ARHGEF40: variants seen among roughly 807,000 people sequenced by gnomAD.
ARHGEF40 encodes the protein Rho guanine nucleotide exchange factor (GEF) 40.
Under a neutral mutation model 165.9 loss-of-function variants are expected in ARHGEF40, and 98 were observed. The ratio of observed to expected loss-of-function variants is 0.59; its 90% CI spans 0.50 to 0.70. The LOEUF is 0.70. Ranked by LOEUF, ARHGEF40 falls within the 30% of genes least tolerant of loss-of-function variation. ARHGEF40 has a pLI of 0.00. For missense variants in ARHGEF40, 1,815 were observed against 1,968.0 expected, an observed-to-expected ratio of 0.92 and a Z score of 1.47; for synonymous variants, 792 against 814.3, an observed-to-expected ratio of 0.97 and a Z score of 0.47.
Position 21,080,308 on chromosome 14 carries a change from G to A in ARHGEF40, c.2374-352G>A, listed in dbSNP as rs115795257. Among the ~76,000 whole-genome samples the A allele has an allele frequency of 7.3e-3, 1,115 of 151,878 alleles. 6 individuals carry two copies. The highest frequency in any genetic ancestry group is 0.025 in the African/African-American group (1,039 of 41,394). Reference sequence around the variant, plus strand: ...GGGACCGTTTCTCACCAGTTGCCAAGGCTTGGTGAAGGCCGTCAGTCATCC... The same window carrying A: ...GGGACCGTTTCTCACCAGTTGCCAAAGCTTGGTGAAGGCCGTCAGTCATCC... On this transcript the variant is annotated intron_variant, in intron 11 of 23. Coordinates refer to ENST00000298694, the MANE Select transcript of ARHGEF40 (RefSeq NM_018071.5).
chr14:21,082,828 C>G lies in ARHGEF40; in HGVS notation c.3487-3C>G. 1 of 1,614,058 alleles carries G rather than the reference C, an allele frequency of 6.2e-7. No individual in the cohort carries two copies. The highest frequency in any genetic ancestry group is 8.5e-7 in the Non-Finnish European group (1 of 1,179,966). On this transcript the variant is annotated splice_region_variant and splice_polypyrimidine_tract_variant and intron_variant, in intron 15 of 23. Transcript: ENST00000298694. ...ACTCCTTATCTGTTCTTTACTGGCA[C>G]AGGGGGACCAGTTCAGCCTTTATGC...
rs372453763 is a variant in ARHGEF40 at position 21,075,228 on chromosome 14, C to T, written c.1450+48C>T. ...TCATGGGGCAAGGGCCAAAGCAGGT[C>T]GGGCCTATGGGAGGGGGCAGGAGGA... On this transcript the variant is annotated intron_variant, in intron 3 of 23. Coordinates refer to ENST00000298694, the MANE Select transcript of ARHGEF40 (RefSeq NM_018071.5). This position sits in a 1 kb window ranked among gnomAD's most constrained non-coding sequence, Gnocchi z 4.5. 9.5e-6 allele frequency: 15 copies of T among 1,583,774 alleles called. No homozygotes were observed. The African/African-American group carries it at 1.2e-4, about 13-fold the overall frequency.
At chr14:21,086,893 G>GAT in intron 19 of ARHGEF40, 108 bp from the exon 20 acceptor site, 1 of 854,138 alleles carries the variant, frequency 1.2e-6, no homozygotes, top group Non-Finnish European at 1.8e-6. Context: ...GAGGAATGAG[G>GAT]ATTGGGAAGG....
In ARHGEF40 at chr14:21,080,648, CA is replaced by C; in HGVS notation, c.2374-11del. The C allele has an allele frequency of 6.2e-7, 1 of 1,607,218 alleles. No individual in the cohort carries two copies. The highest frequency in any genetic ancestry group is 8.5e-7 in the Non-Finnish European group (1 of 1,177,402). On this transcript the variant is annotated splice_polypyrimidine_tract_variant and intron_variant, in intron 11 of 23. Transcript: ENST00000298694. ...TCCATGACCCCCTGCCCTCCCACCC[CA>C]TCTGCCTCAGGTGTTGCAGTGGCTC...
chr14:21,074,450 C>A lies in ARHGEF40; in HGVS notation c.720C>A (p.Gly240=). Residue 240 remains glycine, a synonymous_variant, in exon 3 of 24, where the codon GGC becomes GGA. Coordinates refer to ENST00000298694, the MANE Select transcript of ARHGEF40 (RefSeq NM_018071.5). This position sits in a 1 kb window ranked among gnomAD's most constrained non-coding sequence, Gnocchi z 4.8. ...GHNAPVEGPE[G]EYVELLEVTL... is the part of the protein sequence containing the mutation. ...ATGCCCCTGTGGAAGGACCTGAGGG[C>A]GAGTATGTGGAGCTGTTAGAGGTGA... is the stretch of plus-strand genomic sequence containing the variant. 6.3e-7 allele frequency: 1 copy of A among 1,597,538 alleles called. No individual in the cohort carries two copies. The highest frequency in any genetic ancestry group is 1.1e-5 in the South Asian group (1 of 88,952).
rs895197541 is a variant in ARHGEF40 at position 21,073,557 on chromosome 14, T to C, written c.201+315T>C. 7.2e-5 allele frequency among the ~76,000 whole-genome samples: 11 copies of C among 152,046 alleles called. No individual in the cohort carries two copies. Among genetic ancestry groups the C allele is most frequent in the African/African-American group, 2.7e-4 (11 of 41,356 alleles). On this transcript the variant is annotated intron_variant, in intron 2 of 23. Transcript: ENST00000298694. The surrounding 1 kb of genome is among the most constrained non-coding windows in gnomAD (Gnocchi z 4.6). The stretch of plus-strand genomic sequence containing the variant: ...AGACATCTTCTCCCCCTCATATGAA[T>C]TTCTCAAGACACTAACTCCCCCGTA...
chr14:21,070,281 G>T (rs1179377535), upstream of ARHGEF40: 7 of 1,120,560 alleles, frequency 6.2e-6, no homozygotes, highest in African/African-American at 1.6e-5. This position sits in a 1 kb window ranked among gnomAD's most constrained non-coding sequence, Gnocchi z 4.7. Context: ...AGCCGCCACC[G>T]CGGCCGGAGC....
At position 21,070,859 on chromosome 14, in the gene ARHGEF40, C is replaced by T. The variant is rs1030684106; in HGVS notation, c.3+460C>T. On this transcript the variant is annotated intron_variant, in intron 1 of 23. Transcript: ENST00000298694. The surrounding 1 kb of genome is among the most constrained non-coding windows in gnomAD (Gnocchi z 4.7). ...GGAACCACCATTTTCCATCCCTGTC[C>T]CCAACCCGGTGAGGCAGGCCCACCC... The T allele has an allele frequency of 1.1e-5, 17 of 1,535,650 alleles. No homozygotes were observed. The highest frequency in any genetic ancestry group is 1.5e-5 in the Non-Finnish European group (17 of 1,146,860).
At chr14:21,062,898 G>A in the ARHGEF40 span, among the ~76,000 whole-genome samples, 1 of 149,864 alleles carries the variant, frequency 6.7e-6, no homozygotes, top group Admixed American at 6.7e-5. Context: ...AGGATCAATA[G>A]AGCCCGGGTG....
chr14:21,064,692 C>T, the ARHGEF40 span, among the ~76,000 whole-genome samples: 1 of 152,192 alleles, frequency 6.6e-6, no homozygotes, highest in Non-Finnish European at 1.5e-5. Flanking sequence ...GAAAGCAGAA[C>T]ACAAAACTGT....
chr14:21,089,046 C>G lies in ARHGEF40; in HGVS notation c.*38C>G, dbSNP rs1888624822. 1 of 621,022 alleles carries G rather than the reference C, an allele frequency of 1.6e-6. No homozygotes were observed. The highest frequency in any genetic ancestry group is 3.3e-5 in the Admixed American group (1 of 30,502). 38.5% of individuals were successfully genotyped at this position (621,022 alleles called of 1,614,324 possible). Reference sequence around the variant, plus strand: ...CCAGAACTTGCGTGCAGCTTCTCCTCTCAGCACACTTTGGGCTGGGATGGC... The same window carrying G: ...CCAGAACTTGCGTGCAGCTTCTCCTGTCAGCACACTTTGGGCTGGGATGGC... On this transcript the variant is annotated 3_prime_UTR_variant, in exon 24 of 24. Coordinates refer to ENST00000298694, the MANE Select transcript of ARHGEF40 (RefSeq NM_018071.5).
chr14:21,075,137 C>T lies in ARHGEF40; in HGVS notation c.1407C>T (p.Ala469=), dbSNP rs769226680. 19 of 1,611,300 alleles carry T rather than the reference C, an allele frequency of 1.2e-5. No homozygotes were observed. The highest frequency in any genetic ancestry group is 7.7e-5 in the South Asian group (7 of 90,836). Residue 469 remains alanine (A), a synonymous_variant, in exon 3 of 24, where the codon GCC becomes GCT. Transcript: ENST00000298694. This position sits in a 1 kb window ranked among gnomAD's most constrained non-coding sequence, Gnocchi z 4.5. ...CCTGTGGGCCTACAGAAGAGGGGGC[C>T]GGAGAGAGAGAGCTGGAGGGGCCAG... The part of the protein sequence containing the change: ...SEACGPTEEG[A]GERELEGPGL...
chr14:21,083,324 G>A (rs1216243423), intron 16 of ARHGEF40, among the ~76,000 whole-genome samples: 2 of 151,762 alleles, frequency 1.3e-5, no homozygotes, highest in Admixed American at 6.6e-5. Flanking sequence ...GGTGGATCAC[G>A]AGGTCAGGAG....
intron 11 of ARHGEF40, among the ~76,000 whole-genome samples, chr14:21,079,632 C>T (rs915625131): frequency 6.6e-6 from 1 of 152,168 alleles, no homozygotes; most frequent in African/African-American, 2.4e-5. Flanking sequence ...GATTGTTCCT[C>T]CTTAGCCCCG....
the ARHGEF40 span, among the ~76,000 whole-genome samples, chr14:21,063,577 C>T: frequency 6.6e-6 from 1 of 152,056 alleles, no homozygotes; most frequent in Admixed American, 6.6e-5. Context: ...AAGTTTTATC[C>T]GCTGCTTGGC....
chr14:21,076,392 T>C lies in ARHGEF40; in HGVS notation c.1772T>C (p.Leu591Pro). The change falls in exon 6 of 24, where the codon CTG (leucine) becomes CCG (proline). Residue 591 changes from leucine to proline, a missense_variant. Leu to Pro is a moderately conservative substitution (Grantham distance 98). Coordinates refer to ENST00000298694, the MANE Select transcript of ARHGEF40 (RefSeq NM_018071.5). ...PDLQTLGLSV[L>P]LDLRQAPPLP... ...CTACAGACACTGGGGCTGTCCGTCC[T>C]GCTGGACCTTCGTCAGGCACCTCCA... 6.2e-7 allele frequency: 1 copy of C among 1,613,650 alleles called. No homozygotes were observed. The highest frequency in any genetic ancestry group is 8.5e-7 in the Non-Finnish European group (1 of 1,180,042).
the ARHGEF40 span, among the ~76,000 whole-genome samples, chr14:21,063,660 ACT>A: frequency 6.6e-6 from 1 of 152,104 alleles, no homozygotes; most frequent in Non-Finnish European, 1.5e-5. Flanking sequence ...CAGAAGACTG[ACT>A]CTGCTGGGGG....
intron 8 of ARHGEF40, among the ~76,000 whole-genome samples, chr14:21,077,234 A>G (rs1224461562): frequency 6.6e-6 from 1 of 151,114 alleles, no homozygotes; most frequent in East Asian, 1.9e-4. Flanking sequence ...CCTCTTGAGT[A>G]GCTGTGGCTA....
In ARHGEF40 at chr14:21,084,006, C is replaced by T. The variant is rs1008670674; in HGVS notation, c.3745C>T (p.Arg1249Cys). The T allele has an allele frequency of 1.1e-5, 18 of 1,612,362 alleles. No individual in the cohort carries two copies. Among genetic ancestry groups the T allele is most frequent in the Non-Finnish European group, 1.4e-5 (17 of 1,179,696 alleles). Residue 1249 changes from arginine (R) to cysteine (C), a missense_variant, in exon 17 of 24, where the codon CGT (arginine) becomes TGT (cysteine). Arg to Cys is a radical substitution (Grantham distance 180). Transcript: ENST00000298694. Reference protein sequence around the residue: ...AVQLLREQEARGRDLLAVEAV... With the variant: ...AVQLLREQEACGRDLLAVEAV... ...ACAGCTGCTCCGGGAACAAGAGGCC[C>T]GTGGCAGAGACCTGCTGGCCGTGGA...
Sources: gnomAD v4.1 joint callset for allele counts (sites outside exome capture counted in the v4.1 genomes callset) on GRCh38, gnomAD v4.1.1 for gene constraint, Gnocchi (gnomAD v3.1) non-coding constraint, MANE v1.5 for transcripts, NCBI Gene and HGNC (gene_info 2026-07-23, HGNC 2026-07-21) for gene names.